PSMB5: variants seen among roughly 807,000 people sequenced by gnomAD.
The protein encoded by PSMB5 is proteasome subunit beta type-5.
Under a neutral mutation model 22.8 loss-of-function variants are expected in PSMB5, and 2 were observed. The observed-to-expected ratio is 0.09, with a 90% CI of 0.04 to 0.28. The LOEUF is 0.28. Among genes scored for constraint, PSMB5 ranks in the 10% least tolerant of loss-of-function variants. The pLI is 1.00. For missense variants in PSMB5, 269 were observed against 343.8 expected (o/e 0.78, Z 1.72); for synonymous variants, 133 against 135.3 (o/e 0.98, Z 0.12).
chr14:23,028,925 T>A (rs2046934381), intron 2 of PSMB5, among the ~76,000 whole-genome samples: 9 of 152,174 alleles, frequency 5.9e-5, no homozygotes, highest in Admixed American at 5.9e-4. Context: ...ACCACACTCA[T>A]CTCTCTTGTG....
intron 2 of PSMB5, among the ~76,000 whole-genome samples, chr14:23,030,970 T>C (rs1469603685): frequency 6.6e-6 from 1 of 152,160 alleles, no homozygotes; most frequent in Non-Finnish European, 1.5e-5. Context: ...CCTCTGTATA[T>C]TTGGGTTTCA....
chr14:23,034,472 T>A, intron 1 of PSMB5: 1 of 588,152 alleles, frequency 1.7e-6, no homozygotes, highest in East Asian at 3.0e-5. Context: ...CTCCCCCGAC[T>A]TACCCCCGGC....
intron 2 of PSMB5, among the ~76,000 whole-genome samples, chr14:23,027,183 T>C (rs945215222): frequency 7.3e-5 from 11 of 151,278 alleles, no homozygotes; most frequent in Non-Finnish European, 1.5e-4. Context: ...GAGATCGAGA[T>C]CATCCTGGCT....
rs950394600 is a variant in PSMB5 at position 23,025,914 on chromosome 14, G to A, written c.*175C>T. 1.2e-5 allele frequency: 18 copies of A among 1,448,272 alleles called. No homozygotes were observed. The highest frequency in any genetic ancestry group is 5.1e-4 in the Middle Eastern group (2 of 3,918). The allele number at this position is 1,448,272 out of a possible 1,614,324, so 89.7% of individuals were successfully genotyped here. ...GAAAGTAAAACAAATAGTCACCTCT[G>A]CAGCAGCTCATTAATGACTGGTAAC... On this transcript the variant is annotated 3_prime_UTR_variant, in exon 3 of 3. Transcript: ENST00000361611.
intron 2 of PSMB5, among the ~76,000 whole-genome samples, chr14:23,030,118 T>C (rs1411103903): frequency 6.6e-6 from 1 of 151,930 alleles, no homozygotes; most frequent in East Asian, 2.0e-4. Flanking sequence ...TCTCCGGTGA[T>C]CCACCCATCT....
rs2230087 is a variant in PSMB5 at position 23,026,034 on chromosome 14, C to T, written c.*55G>A. 5,075 of 1,592,502 alleles carry T rather than the reference C, an allele frequency of 3.2e-3. 128 individuals are homozygous for T. In the African/African-American group the frequency reaches 0.057, roughly 18 times the overall value. On this transcript the variant is annotated 3_prime_UTR_variant, in exon 3 of 3. Transcript: ENST00000361611. ...AGGATGGAGGATGGGTCACTGTGTCCGTATTACCAATGACAGTCACCCCAA... is the reference window on the plus strand; with the variant it reads ...AGGATGGAGGATGGGTCACTGTGTCTGTATTACCAATGACAGTCACCCCAA...
chr14:23,033,347 T>C (rs1263855541), intron 2 of PSMB5, 21 bp downstream of exon 2: 5 of 1,598,168 alleles, frequency 3.1e-6, no homozygotes, highest in South Asian at 1.1e-5. Flanking sequence ...CCAAGGATCA[T>C]GTGGTTGCAG....
chr14:23,027,305 C>T (rs1323930035), intron 2 of PSMB5, among the ~76,000 whole-genome samples: 2 of 144,306 alleles, frequency 1.4e-5, no homozygotes, highest in South Asian at 4.4e-4. Flanking sequence ...GGCGTAAACC[C>T]GGGAGGCGGA....
chr14:23,031,813 G>A (rs2046954192), intron 2 of PSMB5, among the ~76,000 whole-genome samples: 1 of 152,224 alleles, frequency 6.6e-6, no homozygotes, highest in Non-Finnish European at 1.5e-5. Context: ...CCAGGACTAG[G>A]CGCAATGGCT....
intron 2 of PSMB5, among the ~76,000 whole-genome samples, chr14:23,030,713 G>C (rs2046946534): frequency 6.6e-6 from 1 of 151,942 alleles, no homozygotes; most frequent in African/African-American, 2.4e-5. Context: ...GATCACCCGA[G>C]GTCAGGAGTT....
intron 2 of PSMB5, among the ~76,000 whole-genome samples, chr14:23,026,776 TAAAATTTAAA>T (rs2046917196): frequency 6.8e-6 from 1 of 146,960 alleles, no homozygotes; most frequent in Non-Finnish European, 1.5e-5. Flanking sequence ...AAACCTAGAA[TAAAATTTAAA>T]AAAATAAAAA....
intron 2 of PSMB5, among the ~76,000 whole-genome samples, chr14:23,032,260 CA>C (rs1412567733): frequency 1.3e-5 from 2 of 151,688 alleles, no homozygotes; most frequent in Non-Finnish European, 2.9e-5. Context: ...GCCTGGCCAA[CA>C]TGGTGAAACC....
rs1433030122 is a variant in PSMB5 at position 23,034,781 on chromosome 14, C to T, written c.101G>A (p.Ser34Asn). Reference protein sequence around the residue: ...RADLLDLGPGSLSDGLSLAAP... With the variant: ...RADLLDLGPGNLSDGLSLAAP... ...GGCCAGGCTCAGACCATCACTGAGA[C>T]TCCCTGGACCTAGATCCAGCAGATC... Residue 34 changes from serine to asparagine, a missense_variant, in exon 1 of 3, where the codon AGT becomes AAT. Ser to Asn is a conservative substitution (Grantham distance 46). Around this residue, in one of 3 missense-constraint regions of PSMB5, gnomAD observed 81 missense variants for 70.4 expected, o/e 1.15. Transcript: ENST00000361611. 4.3e-6 allele frequency: 7 copies of T among 1,614,220 alleles called. No homozygotes were observed. The highest frequency in any genetic ancestry group is 1.3e-5 in the African/African-American group (1 of 75,058).
At chr14:23,034,153 A>G (rs866406626) in intron 1 of PSMB5, among the ~76,000 whole-genome samples, 13 of 151,692 alleles carry the variant, frequency 8.6e-5, no homozygotes, top group Admixed American at 5.3e-4. Context: ...AAATCATTTT[A>G]TAGATGAGGA....
At chr14:23,034,140 AAC>A (rs1229757761) in intron 1 of PSMB5, among the ~76,000 whole-genome samples, 3 of 152,074 alleles carry the variant, frequency 2.0e-5, no homozygotes, top group African/African-American at 7.2e-5. Context: ...AAAAAAAAAA[AAC>A]AAATCATTTT....
intron 1 of PSMB5, 100 bp downstream of exon 1, chr14:23,034,584 G>T: frequency 7.2e-7 from 1 of 1,397,108 alleles, no homozygotes; most frequent in Non-Finnish European, 9.7e-7. Flanking sequence ...GCCTCCGCCT[G>T]GGTTGGTGGC....
intron 2 of PSMB5, among the ~76,000 whole-genome samples, chr14:23,031,284 G>A (rs894046630): frequency 4.6e-5 from 7 of 152,162 alleles, no homozygotes; most frequent in Non-Finnish European, 8.8e-5. Flanking sequence ...TGCTTCCCTG[G>A]ATCACGTAAA....
intron 1 of PSMB5, chr14:23,034,444 C>T: frequency 1.9e-6 from 1 of 529,586 alleles, no homozygotes. Flanking sequence ...AGGAATCAAC[C>T]CAAGAGGCCT....
intron 2 of PSMB5, among the ~76,000 whole-genome samples, chr14:23,027,343 T>G (rs1441547253): frequency 7.0e-6 from 1 of 142,730 alleles, no homozygotes; most frequent in Admixed American, 7.2e-5. Context: ...ATCGCGCCAC[T>G]GCACTCCAGC....
Sources: allele counts gnomAD v4.1 joint callset (sites outside exome capture counted in the v4.1 genomes callset), GRCh38; gene constraint gnomAD v4.1.1; regional missense constraint gnomAD v4.1.1; transcripts MANE v1.5; gene names NCBI Gene and HGNC (gene_info 2026-07-23, HGNC 2026-07-21).